Variants in EPB42 observed in about 807,000 individuals in gnomAD.
EPB42 encodes protein 4.2.
Under a neutral mutation model 76.9 loss-of-function variants are expected in EPB42, and 49 were observed. That is an observed-to-expected ratio of 0.64 (90% CI 0.51 to 0.81). EPB42 has a LOEUF of 0.81. EPB42 is among the 30% of genes least tolerant of loss of function. The pLI is 0.00. For synonymous variants in EPB42, 310 were observed against 338.4 expected, an observed-to-expected ratio of 0.92 and a Z score of 0.92; for missense variants, 731 against 867.6, an observed-to-expected ratio of 0.84 and a Z score of 1.98.
At chr15:43,221,501 T>C (rs2142335401), upstream of EPB42, among the ~76,000 whole-genome samples, 1 of 152,286 alleles carries the variant, frequency 6.6e-6, no homozygotes, top group South Asian at 2.1e-4. Context: ...CCAGAGAAGG[T>C]TGGGAACTAT....
At chr15:43,212,541 A>G (rs906400803) in intron 3 of EPB42, among the ~76,000 whole-genome samples, 1 of 150,700 alleles carries the variant, frequency 6.6e-6, no homozygotes, top group Admixed American at 6.6e-5. Context: ...CAGAAAAAAG[A>G]CAATTAAGCA....
rs773238087 is a variant in EPB42, at chr15:43,209,292, C to A, written c.814G>T (p.Ala272Ser). 1.2e-6 allele frequency: 2 copies of A among 1,614,036 alleles called. No individual in the cohort carries two copies. The highest frequency in any genetic ancestry group is 2.7e-5 in the African/African-American group (2 of 74,938). ...PVYDGQAWVLAAVACTVLRCL... is the reference protein window; with the variant it reads ...PVYDGQAWVLSAVACTVLRCL... ...GACCAACCTGTGCAAGCAACAGCAGCCAACACCCAGGCCTGGCCATCATAC... is the reference window on the plus strand; with the variant it reads ...GACCAACCTGTGCAAGCAACAGCAGACAACACCCAGGCCTGGCCATCATAC... Residue 272 changes from alanine (A) to serine (S), a missense_variant, in exon 6 of 13, where the codon GCT (alanine) becomes TCT (serine). Coordinates refer to ENST00000441366, the MANE Select transcript of EPB42 (RefSeq NM_001114134.2).
At chr15:43,220,278 G>A (rs912742830) in intron 1 of EPB42, among the ~76,000 whole-genome samples, 10 of 152,038 alleles carry the variant, frequency 6.6e-5, no homozygotes, top group Admixed American at 3.9e-4. Context: ...CTGACCACCT[G>A]TGTTGGTTTC....
intron 5 of EPB42, among the ~76,000 whole-genome samples, chr15:43,209,888 A>G (rs149557186): frequency 1.3e-5 from 2 of 152,228 alleles, no homozygotes; most frequent in African/African-American, 4.8e-5. Context: ...TGGTGAACAC[A>G]TGACTCCTCT....
chr15:43,203,266 A>T lies in EPB42; in HGVS notation c.1628T>A (p.Ile543Lys), dbSNP rs745630037. ...LTLSANLEKIITIGLFFSNFE... is the reference protein window; with the variant it reads ...LTLSANLEKIKTIGLFFSNFE... ...ATTGGAGAAGAACAGGCCGATGGTT[A>T]TTATCTTTTCTGAAACACATGACAG... The change falls in exon 11 of 13, where the codon ATA (isoleucine) becomes AAA (lysine). Residue 543 changes from isoleucine to lysine, a missense_variant. Transcript: ENST00000441366. The T allele has an allele frequency of 6.2e-7, 1 of 1,614,020 alleles. No individual in the cohort carries two copies. Among genetic ancestry groups the T allele is most frequent in the Non-Finnish European group, 8.5e-7 (1 of 1,180,044 alleles).
In EPB42 at chr15:43,211,138, C is replaced by A. The variant is rs577858793; in HGVS notation, c.549+278G>T. Among the ~76,000 whole-genome samples, 41 of 152,064 alleles carry A rather than the reference C, an allele frequency of 2.7e-4. 1 individual carries two copies. Among genetic ancestry groups the A allele is most frequent in the Admixed American group, 2.6e-3 (39 of 15,288 alleles). ...AAAGCAGGGTCCTGGCTGGAAGGGC[C>A]GTGGATGTTAGGCTAGGGGGATTTG... On this transcript the variant is annotated intron_variant, in intron 4 of 12. Transcript: ENST00000441366.
Position 43,197,365 on chromosome 15 carries a change from G to A in EPB42, c.2013C>T (p.Asn671=). 6.2e-7 allele frequency: 1 copy of A among 1,614,188 alleles called. No homozygotes were observed. The highest frequency in any genetic ancestry group is 8.5e-7 in the Non-Finnish European group (1 of 1,180,040). Reference sequence around the variant, plus strand: ...TATAGTTGGTTAGGTTCTGGAACATGTTGCAGTCCACTTCCACAGTGAGTC... The same window carrying A: ...TATAGTTGGTTAGGTTCTGGAACATATTGCAGTCCACTTCCACAGTGAGTC... ...LQRLTVEVDC[N]MFQNLTNYKS... is the part of the protein sequence containing the mutation. Residue 671 remains asparagine, a synonymous_variant, in exon 13 of 13, where the codon AAC becomes AAT. Transcript: ENST00000441366.
chr15:43,208,609 G>A lies in EPB42; in HGVS notation c.971+28C>T, dbSNP rs769033619. On this transcript the variant is annotated intron_variant, in intron 7 of 12. Coordinates refer to ENST00000441366, the MANE Select transcript of EPB42 (RefSeq NM_001114134.2). ...GCAGGGTTGGAGCCCTTCCTGGACT[G>A]GAACCTCATCTCCCTTGGGCTTCTC... The A allele has an allele frequency of 1.4e-5, 23 of 1,613,838 alleles. No individual in the cohort carries two copies. The Middle Eastern group carries it at 1.3e-3, about 92-fold the overall frequency.
chr15:43,209,486 C>A, intron 5 of EPB42, 35 bp from the exon 6 acceptor site: 1 of 1,592,248 alleles, frequency 6.3e-7, no homozygotes, highest in Non-Finnish European at 8.6e-7. Context: ...CAGTATGAGT[C>A]CCTTGGGCAG....
intron 7 of EPB42, 92 bp from the exon 8 acceptor site, chr15:43,208,425 C>T: frequency 6.9e-7 from 1 of 1,458,182 alleles, no homozygotes; most frequent in Non-Finnish European, 9.6e-7. Flanking sequence ...GTTGTTGTTC[C>T]AGTGGGATGG....
At chr15:43,205,640 T>A (rs765686218) in intron 10 of EPB42, among the ~76,000 whole-genome samples, 3 of 152,166 alleles carry the variant, frequency 2.0e-5, no homozygotes, top group Non-Finnish European at 4.4e-5. Flanking sequence ...CCTCAGGTGA[T>A]CTGTCCACTT....
intron 10 of EPB42, among the ~76,000 whole-genome samples, chr15:43,205,461 A>G (rs2042188641): frequency 6.6e-6 from 1 of 152,108 alleles, no homozygotes; most frequent in Non-Finnish European, 1.5e-5. Flanking sequence ...GTGCAGTGGC[A>G]TGATCTTGGC....
rs2042452767 is a variant in EPB42, at chr15:43,220,868, C to T, written c.-43G>A. ...CTTATCCACTTGGCCGCAGAAAGCG[C>T]CTCTCTCAAACTGTTGCTTCTGGGC... is the stretch of plus-strand genomic sequence containing the variant. On this transcript the variant is annotated 5_prime_UTR_variant, in exon 1 of 13. Coordinates refer to ENST00000441366, the MANE Select transcript of EPB42 (RefSeq NM_001114134.2). 6.3e-7 allele frequency: 1 copy of T among 1,579,516 alleles called. No homozygotes were observed. The highest frequency in any genetic ancestry group is 1.7e-5 in the Admixed American group (1 of 59,964).
rs1280956905 is a variant in EPB42 at position 43,206,041 on chromosome 15, A to C, written c.1618+289T>G. 3 of 331,912 alleles carry C rather than the reference A, an allele frequency of 9.0e-6. No homozygotes were observed. The highest frequency in any genetic ancestry group is 1.7e-5 in the Non-Finnish European group (3 of 180,708). 20.6% of individuals were successfully genotyped at this position (331,912 alleles called of 1,614,324 possible). The stretch of plus-strand genomic sequence containing the variant: ...GGGCAGCTTATTCCAGCCTGGGGGG[A>C]GGTGCTCTCCTGCCACTGTACTCTG... On this transcript the variant is annotated intron_variant, in intron 10 of 12. Coordinates refer to ENST00000441366, the MANE Select transcript of EPB42 (RefSeq NM_001114134.2). The surrounding 1 kb of genome is among the most constrained non-coding windows in gnomAD (Gnocchi z 4.7).
At chr15:43,221,064 C>G (rs1165861955), upstream of EPB42, 1 of 555,630 alleles carries the variant, frequency 1.8e-6, no homozygotes, top group African/African-American at 1.9e-5. Context: ...TGGGAGTAAC[C>G]CTGTTCATTT....
At chr15:43,215,423 T>A in intron 2 of EPB42, 95 bp from the exon 3 acceptor site, 3 of 1,403,104 alleles carry the variant, frequency 2.1e-6, no homozygotes, top group Non-Finnish European at 3.0e-6. Flanking sequence ...GCAGGTGAAA[T>A]TTGTTTTTGG....
chr15:43,221,223 A>G, upstream of EPB42: 1 of 315,686 alleles, frequency 3.2e-6, no homozygotes, highest in South Asian at 2.8e-5. Flanking sequence ...CAGAGATGTT[A>G]TCTGGACTGC....
upstream of EPB42, among the ~76,000 whole-genome samples, chr15:43,225,098 A>C (rs1264132591): frequency 6.6e-6 from 1 of 152,258 alleles, no homozygotes; most frequent in African/African-American, 2.4e-5. Flanking sequence ...AAGTGGAATA[A>C]GCAAGGTAGA....
At chr15:43,221,107 A>C (rs2142334721), upstream of EPB42, 50 of 419,120 alleles carry the variant, frequency 1.2e-4, no homozygotes, top group Middle Eastern at 1.5e-3. Context: ...AGGCAGGAAT[A>C]CGCCTGGCAG....
Sources: allele counts gnomAD v4.1 joint callset (sites outside exome capture counted in the v4.1 genomes callset), GRCh38; gene constraint gnomAD v4.1.1; non-coding constraint Gnocchi (gnomAD v3.1); transcripts MANE v1.5; gene names NCBI Gene and HGNC (gene_info 2026-07-23, HGNC 2026-07-21).